The following CCDC171 variants were observed in gnomAD, a reference collection of about 807,000 sequenced individuals.
CCDC171 encodes coiled-coil domain containing 171.
A neutral mutation model predicts 168.2 loss-of-function variants in CCDC171; 177 were observed. The observed-to-expected ratio is 1.05, with a 90% CI of 0.93 to 1.19. The LOEUF is 1.19. Ranked by LOEUF, CCDC171 falls within the 50% of genes most tolerant of loss-of-function variation. CCDC171 has a pLI of 0.00. For missense variants in CCDC171, 1,991 were observed against 1,539.0 expected (o/e 1.29, Z -4.91); for synonymous variants, 687 against 540.8 (o/e 1.27, Z -3.75).
intron 6 of CCDC171, among the ~76,000 whole-genome samples, chr9:15,603,475 G>C (rs760746334): frequency 1.3e-5 from 2 of 152,062 alleles, no homozygotes; most frequent in Non-Finnish European, 2.9e-5. Flanking sequence ...TCATTGTTCA[G>C]TTCCCACTTA....
chr9:16,004,143 C>G (rs1055178918), intron 3 of CCDC171, among the ~76,000 whole-genome samples: 4 of 152,144 alleles, frequency 2.6e-5, no homozygotes, highest in African/African-American at 9.7e-5. Context: ...GATGGGAGCA[C>G]CAGAAACGGC....
intron 22 of CCDC171, 66 bp downstream of exon 22, chr9:15,846,913 C>T (rs1419574711): frequency 2.1e-6 from 3 of 1,438,004 alleles, no homozygotes; most frequent in Non-Finnish European, 2.8e-6. Flanking sequence ...CTTTCATGCT[C>T]CGGGTTTTAG....
At chr9:15,581,735 A>G (rs971953814) in intron 4 of CCDC171, among the ~76,000 whole-genome samples, 13 of 152,120 alleles carry the variant, frequency 8.5e-5, no homozygotes, top group Non-Finnish European at 1.6e-4. Context: ...CATATGCAGA[A>G]AGCTGAAACT....
At chr9:16,014,173 T>G (rs1169551802) in intron 3 of CCDC171, among the ~76,000 whole-genome samples, 1 of 152,238 alleles carries the variant, frequency 6.6e-6, no homozygotes, top group African/African-American at 2.4e-5. Context: ...TTCTAAATCT[T>G]TTGTTTCATT....
chr9:15,898,769 T>G (rs74969792), intron 24 of CCDC171, among the ~76,000 whole-genome samples: 3,384 of 152,220 alleles, frequency 0.022, 130 homozygotes, highest in African/African-American at 0.078. Context: ...TGTGTACGCT[T>G]TATCCAGCTT....
intron 11 of CCDC171, among the ~76,000 whole-genome samples, chr9:15,700,583 T>C (rs988028468): frequency 3.3e-5 from 5 of 152,226 alleles, no homozygotes; most frequent in Non-Finnish European, 7.3e-5. Context: ...CTGTGAGGAC[T>C]GCCAGCACGC....
intron 7 of CCDC171, among the ~76,000 whole-genome samples, chr9:15,628,918 C>T (rs545693483): frequency 6.6e-6 from 1 of 152,320 alleles, no homozygotes; most frequent in Admixed American, 6.5e-5. Flanking sequence ...CCCAGGCAAA[C>T]AGAGTCTGGA....
exon 5 of CCDC171, chr9:16,022,584 C>T (rs1833195964): frequency 6.6e-6 from 1 of 152,264 alleles, no homozygotes; most frequent in African/African-American, 2.4e-5. Context: ...TGCAGTCTAC[C>T]AGTAAGTGCT....
the CCDC171 span, among the ~76,000 whole-genome samples, chr9:16,102,829 G>A: frequency 7.2e-4 from 110 of 152,314 alleles, no homozygotes; most frequent in African/African-American, 2.6e-3. Context: ...TCCCCTGAGT[G>A]TCTGGAGATG....
At position 15,927,940 on chromosome 9, in the gene CCDC171, GT is replaced by G. The variant is rs368595350; in HGVS notation, c.3753+7523del. 2.2e-4 allele frequency among the ~76,000 whole-genome samples: 34 copies of G among 151,776 alleles called. No individual in the cohort carries two copies. The East Asian group carries it at 5.3e-3, about 24-fold the overall frequency. ...GTTGATTATTGATACTCATTATTGA[GT>G]TTTTAGCCCTTTAAGAATATTTTTT... On this transcript the variant is annotated intron_variant, in intron 25 of 25. Coordinates refer to ENST00000380701, the MANE Select transcript of CCDC171 (RefSeq NM_173550.4).
At chr9:15,677,879 CATATATATATATATATATATATAT>C (rs71325929) in intron 9 of CCDC171, among the ~76,000 whole-genome samples, 1 of 12,480 alleles carries the variant, frequency 8.0e-5, no homozygotes, top group African/African-American at 2.3e-4. Flanking sequence ...GTGTGTGTGT[CATATATATATATATATATATATAT>C]ATATATATAT....
chr9:15,587,557 A>G, intron 4 of CCDC171: 1 of 448,618 alleles, frequency 2.2e-6, no homozygotes, highest in South Asian at 1.6e-5. Context: ...TATCCAAAAA[A>G]ACAGACGAAT....
At chr9:15,699,177 G>T (rs1337636467) in intron 11 of CCDC171, among the ~76,000 whole-genome samples, 1 of 151,988 alleles carries the variant, frequency 6.6e-6, no homozygotes, top group Non-Finnish European at 1.5e-5. Context: ...TGGGTTCTTG[G>T]TCTCGCTGGT....
intron 9 of CCDC171, among the ~76,000 whole-genome samples, chr9:15,668,151 G>T (rs1248392088): frequency 6.6e-6 from 1 of 152,136 alleles, no homozygotes; most frequent in Non-Finnish European, 1.5e-5. Context: ...TTCTAGCAAT[G>T]AAATAATAGA....
At chr9:15,819,567 C>G (rs2059687360) in intron 21 of CCDC171, among the ~76,000 whole-genome samples, 1 of 115,924 alleles carries the variant, frequency 8.6e-6, no homozygotes, top group East Asian at 2.1e-4. Context: ...ACACTTTAAA[C>G]CAACAAAGAT....
At chr9:15,723,650 T>C in intron 12 of CCDC171, 31 bp from the exon 13 acceptor site, 2 of 1,545,274 alleles carry the variant, frequency 1.3e-6, no homozygotes, top group Non-Finnish European at 1.8e-6. Context: ...ATATTTTCTT[T>C]CATCAGCTAA....
At chr9:15,593,229 A>G (rs1320520756) in intron 5 of CCDC171, among the ~76,000 whole-genome samples, 3 of 152,148 alleles carry the variant, frequency 2.0e-5, no homozygotes, top group Non-Finnish European at 4.4e-5. Context: ...TTGTGTGGAC[A>G]TGAGAGGCTT....
At chr9:15,610,750 G>A (rs550439320) in intron 6 of CCDC171, among the ~76,000 whole-genome samples, 1 of 152,126 alleles carries the variant, frequency 6.6e-6, no homozygotes, top group Admixed American at 6.6e-5. Flanking sequence ...GTAGACACAG[G>A]GTCTCACTGT....
chr9:15,915,832 A>G (rs1824423015), intron 24 of CCDC171, among the ~76,000 whole-genome samples: 1 of 152,034 alleles, frequency 6.6e-6, no homozygotes, highest in South Asian at 2.1e-4. Context: ...GGTATACTGA[A>G]TTTTACCAAA....
Sources: gnomAD v4.1 joint callset for allele counts (sites outside exome capture counted in the v4.1 genomes callset) on GRCh38, gnomAD v4.1.1 for gene constraint, MANE v1.5 for transcripts, NCBI Gene and HGNC (gene_info 2026-07-23, HGNC 2026-07-21) for gene names.